The following FMN2 variants were observed in gnomAD, a reference collection of about 807,000 sequenced individuals.
The protein encoded by FMN2 is formin 2.
Under a neutral mutation model 142.3 loss-of-function variants are expected in FMN2, and 51 were observed. That is an observed-to-expected ratio of 0.36 (90% CI 0.29 to 0.45). FMN2 has a LOEUF of 0.45. Ranked by LOEUF, FMN2 falls within the 20% of genes least tolerant of loss-of-function variation. The pLI is 1.00. For synonymous variants in FMN2, 882 were observed against 869.8 expected, an observed-to-expected ratio of 1.01 and a Z score of -0.25; for missense variants, 1,936 against 2,122.8, an observed-to-expected ratio of 0.91 and a Z score of 1.73.
chr1:240,197,405 A>T (rs1224613107), intron 4 of FMN2, among the ~76,000 whole-genome samples: 1 of 151,986 alleles, frequency 6.6e-6, no homozygotes, highest in East Asian at 1.9e-4. Context: ...AACACATTGA[A>T]CCTGCGGAGG....
At position 240,365,205 on chromosome 1, in the gene FMN2, GTATA is replaced by G. The variant is rs200761604; in HGVS notation, c.4858+9304_4858+9307del. ...CATATATATACATACATATGTGTGT[GTATA>G]TATATACACACAGACACACATATAT... is the stretch of plus-strand genomic sequence containing the variant. On this transcript the variant is annotated intron_variant, in intron 14 of 17. Transcript: ENST00000319653. Among the ~76,000 whole-genome samples the G allele has an allele frequency of 1.3e-4, 18 of 135,744 alleles. No homozygotes were observed. The East Asian group carries it at 3.5e-3, about 27-fold the overall frequency. 89.1% of individuals were successfully genotyped at this position (135,744 alleles called of 152,430 possible). A position where few individuals can be genotyped will look rare whatever the true frequency, so the allele number is the denominator to read the frequency against.
intron 7 of FMN2, 68 bp downstream of exon 7, chr1:240,258,100 G>T (rs2102897961): frequency 8.2e-7 from 1 of 1,220,334 alleles, no homozygotes; most frequent in Non-Finnish European, 1.2e-6. Context: ...GATGTTTGTT[G>T]GTAATGTTAT....
Position 240,416,467 on chromosome 1 carries a change from G to A in FMN2, c.4911-21594G>A, listed in dbSNP as rs532856248. On this transcript the variant is annotated intron_variant, in intron 15 of 17. Transcript: ENST00000319653. ...ATATTTTTAGTAGAGACGGGGTTTC[G>A]CCATGTTGGCCCGGCTAGTCTCAAA... is the stretch of plus-strand genomic sequence containing the variant. Among the ~76,000 whole-genome samples, 10 of 151,904 alleles carry A rather than the reference G, an allele frequency of 6.6e-5. No homozygotes were observed. In the South Asian group the frequency reaches 1.2e-3, roughly 19 times the overall value.
intron 1 of FMN2, among the ~76,000 whole-genome samples, chr1:240,097,254 G>A (rs1481588263): frequency 6.6e-6 from 1 of 152,060 alleles, no homozygotes; most frequent in Non-Finnish European, 1.5e-5. Context: ...AACAGCTATT[G>A]AAGTGTGTGG....
chr1:240,110,841 A>T (rs1407812415), intron 1 of FMN2, among the ~76,000 whole-genome samples: 1 of 152,232 alleles, frequency 6.6e-6, no homozygotes, highest in Admixed American at 6.5e-5. Context: ...GAGGCTAGGA[A>T]TTCTAGCAAG....
intron 16 of FMN2, among the ~76,000 whole-genome samples, chr1:240,466,774 G>A (rs1166931363): frequency 6.6e-6 from 1 of 152,178 alleles, no homozygotes; most frequent in Non-Finnish European, 1.5e-5. Context: ...GAAATGTGGA[G>A]CCGCGATTCC....
At chr1:240,290,783 T>TG (rs1669754799) in intron 7 of FMN2, among the ~76,000 whole-genome samples, 7 of 104,868 alleles carry the variant, frequency 6.7e-5, no homozygotes, top group Non-Finnish European at 1.4e-4. Context: ...TTGTTTGGTT[T>TG]TTTTTTTTTG....
At chr1:240,214,289 C>A (rs376006760) in intron 6 of FMN2, among the ~76,000 whole-genome samples, 4 of 152,038 alleles carry the variant, frequency 2.6e-5, no homozygotes, top group African/African-American at 7.2e-5. Context: ...TGGTGGCTCA[C>A]GCCTGTAATC....
At chr1:240,149,053 C>T (rs1663651290) in intron 2 of FMN2, among the ~76,000 whole-genome samples, 1 of 152,036 alleles carries the variant, frequency 6.6e-6, no homozygotes, top group South Asian at 2.1e-4. Flanking sequence ...TAAGCCTAAA[C>T]CCCAGGGTTT....
At chr1:240,277,390 A>T (rs925336717) in intron 7 of FMN2, among the ~76,000 whole-genome samples, 12 of 150,428 alleles carry the variant, frequency 8.0e-5, no homozygotes, top group African/African-American at 2.7e-4. Context: ...CCCGGACTCT[A>T]GGACTGCCAT....
chr1:240,262,756 T>C (rs1458214326), intron 7 of FMN2, among the ~76,000 whole-genome samples: 3 of 148,122 alleles, frequency 2.0e-5, no homozygotes, highest in African/African-American at 7.5e-5. Flanking sequence ...GTGAAAACTT[T>C]TACTTTTTTT....
chr1:240,189,771 T>A (rs1665630166), intron 4 of FMN2, among the ~76,000 whole-genome samples: 1 of 152,216 alleles, frequency 6.6e-6, no homozygotes, highest in Admixed American at 6.5e-5. Context: ...CTGCAATGAT[T>A]AGCCCACAGC....
intron 15 of FMN2, among the ~76,000 whole-genome samples, chr1:240,394,128 T>TGAA (rs1365437617): frequency 1.3e-5 from 2 of 152,024 alleles, no homozygotes; most frequent in East Asian, 3.9e-4. Context: ...TCACAATGGG[T>TGAA]GAAGGGTCTG....
chr1:240,197,446 T>G (rs1320590876), intron 4 of FMN2, among the ~76,000 whole-genome samples: 1 of 152,120 alleles, frequency 6.6e-6, no homozygotes, highest in Non-Finnish European at 1.5e-5. Context: ...TATAGCCAGT[T>G]GGTCAGAAGT....
intron 6 of FMN2, chr1:240,235,787 C>T (rs1385875046): frequency 6.6e-6 from 1 of 152,076 alleles, no homozygotes; most frequent in East Asian, 1.9e-4. Context: ...TTCCTGTCTT[C>T]TGGTGAAGTC....
intron 2 of FMN2, among the ~76,000 whole-genome samples, chr1:240,132,292 G>C (rs1245116715): frequency 1.3e-5 from 2 of 152,184 alleles, no homozygotes; most frequent in Non-Finnish European, 2.9e-5. Flanking sequence ...AGGTTGTATG[G>C]TAAAATCATG....
At chr1:240,272,016 C>T (rs755583604) in intron 7 of FMN2, among the ~76,000 whole-genome samples, 2 of 152,074 alleles carry the variant, frequency 1.3e-5, no homozygotes, top group Non-Finnish European at 1.5e-5. Flanking sequence ...TGGGGTTGTA[C>T]CAAAGCCATG....
At chr1:240,202,359 A>G (rs1284855595) in intron 4 of FMN2, among the ~76,000 whole-genome samples, 1 of 152,158 alleles carries the variant, frequency 6.6e-6, no homozygotes, top group Admixed American at 6.5e-5. Flanking sequence ...CACTAGTATT[A>G]TGACCTCTGT....
In FMN2 at chr1:240,333,900, G is replaced by T. The variant is rs1671468788; in HGVS notation, c.4598G>T (p.Ser1533Ile). The T allele has an allele frequency of 6.2e-7, 1 of 1,607,410 alleles. No homozygotes were observed. The highest frequency in any genetic ancestry group is 8.5e-7 in the Non-Finnish European group (1 of 1,177,518). Residue 1533 changes from serine (S) to isoleucine (I), a missense_variant, in exon 12 of 18, where the codon AGC (serine) becomes ATC (isoleucine). This residue lies in a region of FMN2 where 322 missense variants were observed against 401.6 expected (regional missense o/e 0.80). Coordinates refer to ENST00000319653, the MANE Select transcript of FMN2 (RefSeq NM_020066.5). ...CTTTCTGCCTAGGACAATAGCAGAA[G>T]CCTTTTGTCATATATTGTTTCGTAT... ...KDVKSSDNSRSLLSYIVSYYL... is the reference protein window; with the variant it reads ...KDVKSSDNSRILLSYIVSYYL...
Sources: gnomAD v4.1 joint callset for allele counts (sites outside exome capture counted in the v4.1 genomes callset) on GRCh38, gnomAD v4.1.1 for gene constraint, gnomAD v4.1.1 regional missense constraint, MANE v1.5 for transcripts, NCBI Gene and HGNC (gene_info 2026-07-23, HGNC 2026-07-21) for gene names.